The following MCC variants were observed in gnomAD, a reference collection of about 807,000 sequenced individuals.
MCC encodes the protein MCC regulator of Wnt signaling pathway.
Under a neutral mutation model 116.2 loss-of-function variants are expected in MCC, and 90 were observed. The observed-to-expected ratio is 0.77, with a 90% confidence interval of 0.65 to 0.92. The LOEUF (loss-of-function observed/expected upper bound fraction) is 0.92, where lower values mean the gene tolerates loss of function less well. MCC is among the 40% of genes least tolerant of loss of function. The pLI is 0.00. For synonymous variants in MCC, 578 were observed against 510.5 expected (o/e 1.13, Z -1.78); for missense variants, 1,516 against 1,312.2 (o/e 1.16, Z -2.40).
Position 113,280,031 on chromosome 5 carries a change from T to A in MCC, c.627+60488A>T, listed in dbSNP as rs558938373. On this transcript the variant is annotated intron_variant, in intron 3 of 18. Transcript: ENST00000408903. The stretch of plus-strand genomic sequence containing the variant: ...CAACAATTCCAGCTCCTGGAGCTAC[T>A]CCCATCATCCCAGGACTACAACTTG... Among the ~76,000 whole-genome samples the A allele has an allele frequency of 1.4e-4, 21 of 152,338 alleles. No individual in the cohort carries two copies. In the South Asian group the frequency reaches 3.3e-3, roughly 24 times the overall value.
intron 3 of MCC, among the ~76,000 whole-genome samples, chr5:113,326,725 G>A (rs929712242): frequency 5.9e-5 from 9 of 152,106 alleles, no homozygotes; most frequent in Admixed American, 2.6e-4. Flanking sequence ...CACTCTCTGT[G>A]TTATCTTCAT....
chr5:113,488,171 G>T, intron 1 of MCC, 74 bp downstream of exon 1: 2 of 1,404,506 alleles, frequency 1.4e-6, no homozygotes, highest in Non-Finnish European at 1.9e-6. Flanking sequence ...GGGGCGAGGG[G>T]GCAGAGCAGG....
chr5:113,234,732 G>C (rs1172328968), intron 3 of MCC: 1 of 152,192 alleles, frequency 6.6e-6, no homozygotes, highest in East Asian at 1.9e-4. Context: ...AGGAAACTCA[G>C]TGCTCCACCC....
intron 3 of MCC, among the ~76,000 whole-genome samples, chr5:113,207,593 C>G (rs1470576706): frequency 6.6e-6 from 1 of 152,128 alleles, no homozygotes; most frequent in African/African-American, 2.4e-5. Flanking sequence ...CGTAGTTATC[C>G]AACGCCTACA....
intron 3 of MCC, among the ~76,000 whole-genome samples, chr5:113,213,678 G>A (rs553892311): frequency 2.0e-5 from 3 of 152,168 alleles, no homozygotes; most frequent in Non-Finnish European, 4.4e-5. Flanking sequence ...ACTGAGAGTG[G>A]TGGGCACAGT....
At chr5:113,130,672 T>G (rs1758370688) in intron 5 of MCC, among the ~76,000 whole-genome samples, 1 of 152,042 alleles carries the variant, frequency 6.6e-6, no homozygotes, top group South Asian at 2.1e-4. Context: ...CTCACTCTAT[T>G]AGTTCCTTGG....
In MCC at chr5:113,297,772, AAAG is replaced by A. The variant is rs1328131963; in HGVS notation, c.627+42744_627+42746del. On this transcript the variant is annotated intron_variant, in intron 3 of 18. Transcript: ENST00000408903. ...CTCAAAAAAAAAAAAAAAAAAAAAA[AAAG>A]AAGGGACAATGGAAATAGGAGGGGA... 2.5e-3 allele frequency among the ~76,000 whole-genome samples: 374 copies of A among 146,828 alleles called. 2 individuals carry two copies. The highest frequency in any genetic ancestry group is 9.3e-3 in the East Asian group (47 of 5,048).
At chr5:113,415,462 G>A (rs187888477) in intron 1 of MCC, among the ~76,000 whole-genome samples, 18 of 152,118 alleles carry the variant, frequency 1.2e-4, no homozygotes, top group East Asian at 5.8e-4. Context: ...GGCTTTGTTC[G>A]TTTCTTTTTA....
At chr5:113,191,002 T>C (rs950236879) in intron 3 of MCC, among the ~76,000 whole-genome samples, 48 of 152,206 alleles carry the variant, frequency 3.2e-4, no homozygotes, top group African/African-American at 1.1e-3. Flanking sequence ...CCCTGATAGC[T>C]GGATCTCAGC....
At chr5:113,468,480 A>G (rs1171080542) in intron 1 of MCC, among the ~76,000 whole-genome samples, 1 of 152,214 alleles carries the variant, frequency 6.6e-6, no homozygotes, top group Non-Finnish European at 1.5e-5. Context: ...ATGTTGGATT[A>G]CATTTATTGA....
At chr5:113,194,118 CAT>C (rs1157441532) in intron 3 of MCC, among the ~76,000 whole-genome samples, 1 of 152,140 alleles carries the variant, frequency 6.6e-6, no homozygotes, top group Non-Finnish European at 1.5e-5. Context: ...TATAAAGTAA[CAT>C]AAACATCATC....
chr5:113,360,730 T>A (rs1768524817), intron 2 of MCC, among the ~76,000 whole-genome samples: 1 of 152,232 alleles, frequency 6.6e-6, no homozygotes, highest in Non-Finnish European at 1.5e-5. Flanking sequence ...CTGTTCATAA[T>A]CTTTTCTTTT....
chr5:113,033,564 A>G (rs186143084), intron 17 of MCC, among the ~76,000 whole-genome samples: 147 of 152,346 alleles, frequency 9.6e-4, no homozygotes, highest in African/African-American at 3.4e-3. Context: ...AGTTAGGCCA[A>G]AACAAGCTTT....
chr5:113,280,337 T>A (rs1056531716), intron 3 of MCC, among the ~76,000 whole-genome samples: 3 of 152,310 alleles, frequency 2.0e-5, no homozygotes, highest in African/African-American at 7.2e-5. Flanking sequence ...TTTCTATCTA[T>A]CTCCTAGTAT....
chr5:113,067,350 T>A (rs1031169268), intron 13 of MCC, among the ~76,000 whole-genome samples: 6 of 152,104 alleles, frequency 3.9e-5, no homozygotes, highest in African/African-American at 1.4e-4. Flanking sequence ...AAACCCATGT[T>A]TCAAAACTAC....
At chr5:113,104,376 A>G (rs1561814336) in intron 6 of MCC, 21 bp from the exon 7 acceptor site, 1 of 1,589,440 alleles carries the variant, frequency 6.3e-7, no homozygotes. Flanking sequence ...ATGAAGACAA[A>G]ATGCGTTACA....
At chr5:113,239,867 T>A (rs765443022) in intron 3 of MCC, among the ~76,000 whole-genome samples, 1 of 152,174 alleles carries the variant, frequency 6.6e-6, no homozygotes, top group Non-Finnish European at 1.5e-5. Flanking sequence ...CCAGGTCCTG[T>A]CAGTTTCTGA....
intron 3 of MCC, among the ~76,000 whole-genome samples, chr5:113,242,163 C>T (rs541045769): frequency 6.6e-6 from 1 of 152,300 alleles, no homozygotes; most frequent in African/African-American, 2.4e-5. Context: ...TAGAAATATT[C>T]TGGACTTAAG....
chr5:113,035,873 CA>C (rs2150210312), intron 17 of MCC, among the ~76,000 whole-genome samples: 1 of 152,266 alleles, frequency 6.6e-6, no homozygotes, highest in Non-Finnish European at 1.5e-5. Context: ...GTAATCACCA[CA>C]ATGTTTACTT....
Sources: gnomAD v4.1 joint callset for allele counts (sites outside exome capture counted in the v4.1 genomes callset) on GRCh38, gnomAD v4.1.1 for gene constraint, MANE v1.5 for transcripts, NCBI Gene and HGNC (gene_info 2026-07-23, HGNC 2026-07-21) for gene names.